The following HIVEP2 variants were observed in gnomAD, a reference collection of about 807,000 sequenced individuals.
HIVEP2 encodes the protein HIVEP zinc finger 2.
HIVEP2 carries 14 observed loss-of-function variants against 180.7 expected under a neutral mutation model. That is an observed-to-expected ratio of 0.08 (90% CI 0.05 to 0.12). HIVEP2 has a LOEUF of 0.12. Among genes scored for constraint, HIVEP2 ranks in the 10% least tolerant of loss-of-function variants. The probability of loss-of-function intolerance (pLI) is 1.00; values close to 1 mark genes in which losing one functional copy is unlikely to be tolerated. For synonymous variants in HIVEP2, 1,184 were observed against 1,136.4 expected, an observed-to-expected ratio of 1.04 and a Z score of -0.84; for missense variants, 2,579 against 3,008.5, an observed-to-expected ratio of 0.86 and a Z score of 3.34.
At chr6:142,813,028 T>A (rs925339478) in intron 2 of HIVEP2, among the ~76,000 whole-genome samples, 2 of 152,172 alleles carry the variant, frequency 1.3e-5, no homozygotes, top group African/African-American at 4.8e-5. Flanking sequence ...ACAAAATTCA[T>A]TGCATCATTC....
In HIVEP2 at chr6:142,773,359, A is replaced by T; in HGVS notation, c.1380T>A (p.Pro460=). The T allele has an allele frequency of 2.5e-6, 4 of 1,614,138 alleles. No homozygotes were observed. Among genetic ancestry groups the T allele is most frequent in the Non-Finnish European group, 3.4e-6 (4 of 1,180,014 alleles). ...TGACATCTAACCTGGTGTTAACGTG[A>T]GGTAATGGTTCCATTATGCCCTTCC... ...MGRKGIMEPL[P]HVNTRLDVKM... Residue 460 remains proline, a synonymous_variant, in exon 5 of 10, where the codon CCT becomes CCA. Transcript: ENST00000367603.
chr6:142,870,422 G>A (rs753463958), intron 1 of HIVEP2, among the ~76,000 whole-genome samples: 3 of 152,038 alleles, frequency 2.0e-5, no homozygotes, highest in Non-Finnish European at 2.9e-5. Flanking sequence ...CCCATAAAGC[G>A]CATGAATTTG....
intron 2 of HIVEP2, among the ~76,000 whole-genome samples, chr6:142,827,072 T>C (rs1277999071): frequency 1.3e-5 from 2 of 152,222 alleles, no homozygotes; most frequent in Non-Finnish European, 2.9e-5. Context: ...TCTTCTTCCA[T>C]TCTACTACTC....
chr6:142,779,251 C>T (rs948038546), intron 3 of HIVEP2, among the ~76,000 whole-genome samples: 7 of 152,070 alleles, frequency 4.6e-5, no homozygotes, highest in Non-Finnish European at 8.8e-5. Context: ...AAAATAAGAA[C>T]CTTACAAGTG....
At chr6:142,792,839 A>G (rs1776173066) in intron 2 of HIVEP2, among the ~76,000 whole-genome samples, 1 of 152,190 alleles carries the variant, frequency 6.6e-6, no homozygotes, top group Admixed American at 6.5e-5. Context: ...AGAAGAAAGC[A>G]TGAAAATTTT....
rs749221130 is a variant in HIVEP2, at chr6:142,753,715, A to G, written c.6733T>C (p.Ser2245Pro). 4 of 1,614,002 alleles carry G rather than the reference A, an allele frequency of 2.5e-6. No homozygotes were observed. Among genetic ancestry groups the G allele is most frequent in the Non-Finnish European group, 3.4e-6 (4 of 1,180,022 alleles). The change falls in exon 10 of 10, where the codon TCC (serine) becomes CCC (proline). Residue 2245 changes from serine (S) to proline (P), a missense_variant. Physicochemically the swap from Ser to Pro is moderately conservative, Grantham distance 74. Around this residue, in one of 11 missense-constraint regions of HIVEP2, gnomAD observed 660 missense variants for 731.7 expected, o/e 0.90. Transcript: ENST00000367603. ...AATGTGGGTGAAGGATGTAAACTGG[A>G]AAGGGCTGGCGGCATGGAGTGAACC... ...QMVHSMPPAL[S>P]SLHPSPTLPL...
chr6:142,827,179 T>C (rs2114849839), intron 2 of HIVEP2, among the ~76,000 whole-genome samples: 1 of 152,348 alleles, frequency 6.6e-6, no homozygotes, highest in East Asian at 1.9e-4. Flanking sequence ...TCTGTGAAAG[T>C]TCTTTTATCA....
chr6:142,815,446 T>C (rs571370604), intron 2 of HIVEP2, among the ~76,000 whole-genome samples: 1 of 152,196 alleles, frequency 6.6e-6, no homozygotes, highest in South Asian at 2.1e-4. Context: ...ATGAGAAAAT[T>C]TTAAATGTCT....
At chr6:142,760,778 G>T in intron 8 of HIVEP2, 111 bp from the exon 9 acceptor site, 1 of 740,260 alleles carries the variant, frequency 1.4e-6, no homozygotes, top group Non-Finnish European at 2.2e-6. Context: ...AGTGCCCACA[G>T]ATAGTTATGT....
chr6:142,877,776 C>A (rs563589038), intron 1 of HIVEP2, among the ~76,000 whole-genome samples: 1 of 152,230 alleles, frequency 6.6e-6, no homozygotes, highest in Admixed American at 6.5e-5. Context: ...GCTATTGTCC[C>A]CAAAAGAAAT....
intron 1 of HIVEP2, among the ~76,000 whole-genome samples, chr6:142,849,882 G>C (rs1775605594): frequency 6.6e-6 from 1 of 152,076 alleles, no homozygotes; most frequent in Non-Finnish European, 1.5e-5. Flanking sequence ...TTGAACTTTG[G>C]GAAAAGCCTC....
Position 142,772,531 on chromosome 6 carries a change from T to C in HIVEP2, c.2208A>G (p.Glu736=), listed in dbSNP as rs1775576173. The change falls in exon 5 of 10, where the codon GAA becomes GAG. Residue 736 remains glutamate, a synonymous_variant. Transcript: ENST00000367603. The surrounding 1 kb of genome is among the most constrained non-coding windows in gnomAD (Gnocchi z 4.9). Reference sequence around the variant, plus strand: ...CCATGGCAAATCCACTCCTGACTCCTTCCTGCATCTGCAGTTTGGGGTCAT... The same window carrying C: ...CCATGGCAAATCCACTCCTGACTCCCTCCTGCATCTGCAGTTTGGGGTCAT... The part of the protein sequence containing the change: ...SDYDPKLQMQ[E]GVRSGFAMAG... 2 of 1,614,190 alleles carry C rather than the reference T, an allele frequency of 1.2e-6. No homozygotes were observed. Among genetic ancestry groups the C allele is most frequent in the East Asian group, 2.2e-5 (1 of 44,884 alleles).
Position 142,771,717 on chromosome 6 carries a change from T to C in HIVEP2, c.3022A>G (p.Thr1008Ala), listed in dbSNP as rs759798413. Residue 1008 changes from threonine (T) to alanine (A), a missense_variant, in exon 5 of 10, where the codon ACT becomes GCT. Around this residue, in one of 11 missense-constraint regions of HIVEP2, gnomAD observed 523 missense variants for 577.0 expected, o/e 0.91. Coordinates refer to ENST00000367603, the MANE Select transcript of HIVEP2 (RefSeq NM_006734.4). This position sits in a 1 kb window ranked among gnomAD's most constrained non-coding sequence, Gnocchi z 5.4. ...DEFGKHSEFL[T>A]VPAGSYSLSV... is the part of the protein sequence containing the mutation. ...AATGAGTATGAACCAGCAGGGACAG[T>C]CAGAAACTCTGAATGCTTCCCAAAC... The C allele has an allele frequency of 6.2e-7, 1 of 1,614,052 alleles. No homozygotes were observed. Among genetic ancestry groups the C allele is most frequent in the Non-Finnish European group, 8.5e-7 (1 of 1,180,034 alleles).
chr6:142,935,223 T>C (rs577127393), intron 1 of HIVEP2, among the ~76,000 whole-genome samples: 1 of 152,258 alleles, frequency 6.6e-6, no homozygotes, highest in Non-Finnish European at 1.5e-5. Flanking sequence ...CTGGGGAACA[T>C]TAAAATCAAA....
At chr6:142,850,026 C>T (rs965011176) in intron 1 of HIVEP2, among the ~76,000 whole-genome samples, 1 of 151,938 alleles carries the variant, frequency 6.6e-6, no homozygotes, top group African/African-American at 2.4e-5. Flanking sequence ...AGTCAAAGAC[C>T]CAAAAGATGT....
intron 2 of HIVEP2, among the ~76,000 whole-genome samples, chr6:142,797,168 A>G (rs995483771): frequency 2.6e-5 from 4 of 152,030 alleles, no homozygotes; most frequent in African/African-American, 9.7e-5. Flanking sequence ...ATGTTTCTAG[A>G]TTTTTTGATA....
intron 2 of HIVEP2, among the ~76,000 whole-genome samples, chr6:142,801,834 C>G (rs780509821): frequency 6.6e-6 from 1 of 152,134 alleles, no homozygotes; most frequent in African/African-American, 2.4e-5. Context: ...CCATCACAGG[C>G]CTTCTGTGTC....
intron 1 of HIVEP2, among the ~76,000 whole-genome samples, chr6:142,840,633 C>G (rs1775339560): frequency 6.6e-6 from 1 of 152,026 alleles, no homozygotes; most frequent in South Asian, 2.1e-4. Flanking sequence ...TTTTACTAGC[C>G]ATATGATATT....
At chr6:142,914,735 T>C (rs575455929) in intron 1 of HIVEP2, among the ~76,000 whole-genome samples, 27 of 152,296 alleles carry the variant, frequency 1.8e-4, no homozygotes, top group African/African-American at 6.3e-4. Flanking sequence ...TCATCAAACA[T>C]AAATATCTAA....
Sources: allele counts gnomAD v4.1 joint callset (sites outside exome capture counted in the v4.1 genomes callset), GRCh38; gene constraint gnomAD v4.1.1; regional missense constraint gnomAD v4.1.1; non-coding constraint Gnocchi (gnomAD v3.1); transcripts MANE v1.5; gene names NCBI Gene and HGNC (gene_info 2026-07-23, HGNC 2026-07-21).